UGGT2: variants seen among roughly 807,000 people sequenced by gnomAD.
The protein encoded by UGGT2 is UDP-glucose glycoprotein glucosyltransferase 2, also known as UDP-glucose:glycoprotein glucosyltransferase 2.
UGGT2 carries 180 observed loss-of-function variants against 192.1 expected under a neutral mutation model. That is an observed-to-expected ratio of 0.94 (90% CI 0.83 to 1.06). The LOEUF (loss-of-function observed/expected upper bound fraction) is 1.06, where lower values mean the gene tolerates loss of function less well. UGGT2 is among the 50% of genes least tolerant of loss of function. The probability of loss-of-function intolerance (pLI) is 0.00; values close to 1 mark genes in which losing one functional copy is unlikely to be tolerated. For missense variants in UGGT2, 1,849 were observed against 1,795.7 expected (o/e 1.03, Z -0.54); for synonymous variants, 580 against 591.0 (o/e 0.98, Z 0.27).
chr13:95,907,181 T>G (rs1472750353), intron 20 of UGGT2, among the ~76,000 whole-genome samples: 1 of 152,216 alleles, frequency 6.6e-6, no homozygotes, highest in East Asian at 1.9e-4. Flanking sequence ...GAGATTGAAC[T>G]GCAAGCTGGC....
chr13:96,015,374 AAATGG>A (rs1189783522), intron 4 of UGGT2, among the ~76,000 whole-genome samples: 1 of 152,102 alleles, frequency 6.6e-6, no homozygotes, highest in Admixed American at 6.6e-5. Context: ...AAATTAGAGG[AAATGG>A]AATAGACTTT....
chr13:95,846,366 A>C (rs928782188), intron 36 of UGGT2, among the ~76,000 whole-genome samples: 5 of 143,186 alleles, frequency 3.5e-5, no homozygotes, highest in African/African-American at 1.3e-4. Context: ...GTGAGCCAAG[A>C]TGGCGGCAGT....
At chr13:95,851,274 T>A (rs1185447315) in intron 36 of UGGT2, among the ~76,000 whole-genome samples, 2 of 152,178 alleles carry the variant, frequency 1.3e-5, no homozygotes, top group African/African-American at 4.8e-5. Flanking sequence ...TAAGTTTTGG[T>A]CATTAATGTG....
chr13:95,822,832 T>G (rs1885647845), intron 38 of UGGT2, among the ~76,000 whole-genome samples: 1 of 152,096 alleles, frequency 6.6e-6, no homozygotes, highest in Non-Finnish European at 1.5e-5. Context: ...TTTCTTTTCT[T>G]TCAATGGCTT....
chr13:95,960,771 A>G (rs2050365370), intron 12 of UGGT2, among the ~76,000 whole-genome samples: 1 of 152,200 alleles, frequency 6.6e-6, no homozygotes. Flanking sequence ...TTAAAGAGAA[A>G]GAGAGATTTC....
At chr13:95,942,224 GT>G (rs1566734811) in intron 15 of UGGT2, among the ~76,000 whole-genome samples, 14,944 of 82,608 alleles carry the variant, frequency 0.18, 886 homozygotes, top group East Asian at 0.28. Context: ...GGGTGAGGGT[GT>G]GTGTGTGTGT....
intron 2 of UGGT2, among the ~76,000 whole-genome samples, chr13:96,026,960 C>T (rs904856938): frequency 2.0e-5 from 3 of 152,058 alleles, no homozygotes; most frequent in Non-Finnish European, 2.9e-5. Flanking sequence ...CGTGAGCCAC[C>T]GCGCCCAGCC....
intron 12 of UGGT2, among the ~76,000 whole-genome samples, chr13:95,966,615 ACT>A (rs963370134): frequency 2.6e-5 from 4 of 152,220 alleles, no homozygotes; most frequent in African/African-American, 9.6e-5. Context: ...CCCCAAATAC[ACT>A]GATTTCATCA....
chr13:95,848,738 TGGTGTTGGTTATTCTA>T (rs1195921330), intron 36 of UGGT2, among the ~76,000 whole-genome samples: 4 of 152,230 alleles, frequency 2.6e-5, no homozygotes, highest in African/African-American at 9.6e-5. Context: ...TTTTTCAATA[TGGTGTTGGTTATTCTA>T]GGTCTTTTCC....
At chr13:96,001,633 A>AT (rs2051808237) in intron 5 of UGGT2, among the ~76,000 whole-genome samples, 7 of 152,248 alleles carry the variant, frequency 4.6e-5, no homozygotes. Flanking sequence ...TTGGGAGAAC[A>AT]TTTAAAAAAG....
intron 34 of UGGT2, 51 bp downstream of exon 34, chr13:95,856,107 A>C (rs762809830): frequency 3.3e-5 from 45 of 1,383,158 alleles, no homozygotes; most frequent in Middle Eastern, 1.8e-4. Context: ...ATTAAGATAG[A>C]AGTGTAAAAA....
intron 34 of UGGT2, among the ~76,000 whole-genome samples, chr13:95,855,586 G>A (rs1414228990): frequency 6.7e-6 from 1 of 149,136 alleles, no homozygotes; most frequent in Non-Finnish European, 1.5e-5. Context: ...GCAGTGGCAT[G>A]ATTATATCTC....
intron 38 of UGGT2, among the ~76,000 whole-genome samples, chr13:95,812,928 T>C (rs369116032): frequency 7.2e-5 from 11 of 152,278 alleles, no homozygotes; most frequent in East Asian, 3.9e-4. Context: ...CTAAAAGTGA[T>C]TGAACTATAC....
At chr13:96,025,795 A>T (rs1489593946) in intron 2 of UGGT2, among the ~76,000 whole-genome samples, 1 of 152,218 alleles carries the variant, frequency 6.6e-6, no homozygotes, top group African/African-American at 2.4e-5. Context: ...TCCTGAAAGA[A>T]TACAAATAAG....
At chr13:95,895,580 ACATAAAT>A (rs2047924256) in intron 22 of UGGT2, among the ~76,000 whole-genome samples, 1 of 152,080 alleles carries the variant, frequency 6.6e-6, no homozygotes, top group Admixed American at 6.6e-5. Context: ...TTACTTTGAA[ACATAAAT>A]CATAAATCAT....
chr13:96,009,569 G>C (rs555250428), intron 5 of UGGT2, among the ~76,000 whole-genome samples: 37 of 152,278 alleles, frequency 2.4e-4, no homozygotes, highest in Middle Eastern at 3.4e-3. Context: ...CAGCACTTTG[G>C]GGGGCTGAGG....
At chr13:96,041,753 C>T (rs1034779340) in intron 1 of UGGT2, among the ~76,000 whole-genome samples, 1 of 152,086 alleles carries the variant, frequency 6.6e-6, no homozygotes, top group African/African-American at 2.4e-5. Flanking sequence ...TGTAGGCTTT[C>T]CCCCACTTCC....
chr13:95,910,865 G>C (rs1339773681), intron 20 of UGGT2, among the ~76,000 whole-genome samples: 1 of 152,060 alleles, frequency 6.6e-6, no homozygotes, highest in Non-Finnish European at 1.5e-5. Context: ...AAATATAAAA[G>C]AACACAAATC....
intron 33 of UGGT2, 109 bp from the exon 34 acceptor site, chr13:95,856,449 TA>T: frequency 8.9e-7 from 1 of 1,122,032 alleles, no homozygotes. Flanking sequence ...TGTTATAAAC[TA>T]ATAGGCAAGA....
Sources: allele counts gnomAD v4.1 joint callset (sites outside exome capture counted in the v4.1 genomes callset), GRCh38; gene constraint gnomAD v4.1.1; transcripts MANE v1.5; gene names NCBI Gene and HGNC (gene_info 2026-07-23, HGNC 2026-07-21).